Variants in RAP1GAP2 observed in about 807,000 individuals in gnomAD.
RAP1GAP2 encodes the protein RAP1 GTPase activating protein 2.
A neutral mutation model predicts 95.0 loss-of-function variants in RAP1GAP2; 27 were observed. That is an observed-to-expected ratio of 0.28 (90% CI 0.21 to 0.39). The LOEUF is 0.39. Ranked by LOEUF, RAP1GAP2 falls within the 10% of genes least tolerant of loss-of-function variation. RAP1GAP2 has a pLI of 1.00. For missense variants in RAP1GAP2, 771 were observed against 970.0 expected (o/e 0.79, Z 2.72); for synonymous variants, 373 against 380.9 (o/e 0.98, Z 0.24).
intron 2 of RAP1GAP2, among the ~76,000 whole-genome samples, chr17:2,849,995 CCTG>C (rs1224490878): frequency 2.1e-5 from 3 of 145,384 alleles, no homozygotes; most frequent in African/African-American, 7.6e-5. Flanking sequence ...CCTAACACTG[CCTG>C]CTTTTTTTTT....
chr17:2,796,575 G>A lies in RAP1GAP2; in HGVS notation c.44+4G>A, dbSNP rs773417323. 2 of 1,560,948 alleles carry A rather than the reference G, an allele frequency of 1.3e-6. No individual in the cohort carries two copies. The highest frequency in any genetic ancestry group is 2.4e-5 in the East Asian group (1 of 41,798). On this transcript the variant is annotated splice_donor_region_variant and intron_variant, in intron 1 of 24. Coordinates refer to ENST00000254695, the MANE Select transcript of RAP1GAP2 (RefSeq NM_015085.5). This position sits in a 1 kb window ranked among gnomAD's most constrained non-coding sequence, Gnocchi z 4.7. ...TCTCCTTTGGGGGCTTCGGATGGTG[G>A]GTGACAGGTGGGAGGGTGGGGGAAT...
chr17:3,024,285 G>C (rs957163200), intron 19 of RAP1GAP2, among the ~76,000 whole-genome samples: 2 of 152,108 alleles, frequency 1.3e-5, no homozygotes, highest in Non-Finnish European at 2.9e-5. Context: ...CCAGCAAAGT[G>C]AGCCAAACCC....
chr17:2,860,236 G>A lies in RAP1GAP2; in HGVS notation c.81-45048G>A, dbSNP rs532656638. Among the ~76,000 whole-genome samples the A allele has an allele frequency of 3.9e-4, 60 of 152,296 alleles. 3 individuals carry two copies. The South Asian group carries it at 0.012, about 30-fold the overall frequency. ...TGTTCTCTCCTTAGGAGGCAGCTGG[G>A]TCCTGCCCTTTCTGGAAGGGCCTGT... On this transcript the variant is annotated intron_variant, in intron 2 of 24. Transcript: ENST00000254695.
At position 2,980,320 on chromosome 17, in the gene RAP1GAP2, C is replaced by T. The variant is rs144720169; in HGVS notation, c.630C>T (p.Pro210=). 494 of 1,613,910 alleles carry T rather than the reference C, an allele frequency of 3.1e-4. 1 individual carries two copies. In the African/African-American group the frequency reaches 5.9e-3, roughly 19 times the overall value. ...TGAAGACGGTACATGAGCGGATCCCCTTGGCTGGACTGAGCAAGCTTCCCA... is the reference window on the plus strand; with the variant it reads ...TGAAGACGGTACATGAGCGGATCCCTTTGGCTGGACTGAGCAAGCTTCCCA... ...SKLKTVHERI[P]LAGLSKLPSV... Residue 210 remains proline (P), a synonymous_variant, in exon 9 of 25, where the codon CCC becomes CCT. Transcript: ENST00000254695.
chr17:2,905,187 T>TTG, intron 2 of RAP1GAP2, 97 bp from the exon 3 acceptor site: 1 of 1,137,354 alleles, frequency 8.8e-7, no homozygotes, highest in South Asian at 1.4e-5. Flanking sequence ...CCAGCCTGCA[T>TTG]TGTATGTTAA....
chr17:2,998,670 G>A (rs147830148), intron 14 of RAP1GAP2, among the ~76,000 whole-genome samples: 3 of 150,658 alleles, frequency 2.0e-5, no homozygotes, highest in Non-Finnish European at 4.4e-5. Flanking sequence ...GGAATTTGGT[G>A]ATGCCATTTG....
At chr17:2,894,487 C>T (rs749673086) in intron 2 of RAP1GAP2, among the ~76,000 whole-genome samples, 33 of 152,124 alleles carry the variant, frequency 2.2e-4, no homozygotes, top group Non-Finnish European at 1.9e-4. Flanking sequence ...CCCTGAGGGC[C>T]TCCACCCCTC....
intron 2 of RAP1GAP2, among the ~76,000 whole-genome samples, chr17:2,802,214 C>G (rs1271715337): frequency 2.0e-5 from 3 of 152,188 alleles, no homozygotes; most frequent in African/African-American, 7.2e-5. Flanking sequence ...ATTCAGTTGC[C>G]AGCCCTGGTT....
At chr17:2,761,640 G>C (rs2071250731) in intron 1 of RAP1GAP2, among the ~76,000 whole-genome samples, 1 of 152,134 alleles carries the variant, frequency 6.6e-6, no homozygotes, top group African/African-American at 2.4e-5. Context: ...TTGTCCCTTT[G>C]TATCCTTGGG....
chr17:3,005,736 G>A lies in RAP1GAP2; in HGVS notation c.1273-219G>A, dbSNP rs2289647. Among the ~76,000 whole-genome samples the A allele has an allele frequency of 2.6e-5, 4 of 152,120 alleles. No individual in the cohort carries two copies. Among genetic ancestry groups the A allele is most frequent in the African/African-American group, 7.2e-5 (3 of 41,430 alleles). The stretch of plus-strand genomic sequence containing the variant: ...CCTTGGGCAGGAATGAGCTCCAGTC[G>A]TGGAAGTGCCACTGTGGCTTCCCAG... On this transcript the variant is annotated intron_variant, in intron 15 of 24. Coordinates refer to ENST00000254695, the MANE Select transcript of RAP1GAP2 (RefSeq NM_015085.5). This position sits in a 1 kb window ranked among gnomAD's most constrained non-coding sequence, Gnocchi z 5.2.
intron 3 of RAP1GAP2, among the ~76,000 whole-genome samples, chr17:2,944,182 A>AAC (rs1555573672): frequency 1.1e-4 from 16 of 148,082 alleles, no homozygotes; most frequent in South Asian, 4.3e-4. Flanking sequence ...AAAAAAAAAA[A>AAC]ACCAAACCAC....
rs1317039921 is a variant in RAP1GAP2 at position 2,906,681 on chromosome 17, G to C, written c.165+1313G>C. On this transcript the variant is annotated intron_variant, in intron 3 of 24. Transcript: ENST00000254695. This position sits in a 1 kb window ranked among gnomAD's most constrained non-coding sequence, Gnocchi z 4.3. ...CTGTCACCATTCCGAGTGTCCCCTT[G>C]GTCTACAAAGGTGGCTGTGGGATGC... 6.6e-6 allele frequency among the ~76,000 whole-genome samples: 1 copy of C among 152,064 alleles called. No individual in the cohort carries two copies. The highest frequency in any genetic ancestry group is 1.9e-4 in the East Asian group (1 of 5,158).
At chr17:2,936,677 T>A (rs1865301223) in intron 3 of RAP1GAP2, among the ~76,000 whole-genome samples, 1 of 151,952 alleles carries the variant, frequency 6.6e-6, no homozygotes, top group South Asian at 2.1e-4. Context: ...TGATATTGAG[T>A]CTTGCTCTTC....
chr17:2,928,865 C>T (rs757001729), intron 3 of RAP1GAP2, among the ~76,000 whole-genome samples: 5 of 152,060 alleles, frequency 3.3e-5, no homozygotes, highest in African/African-American at 7.2e-5. Context: ...TGCAGACTAT[C>T]ATCCTGATCG....
chr17:2,786,209 T>C lies in RAP1GAP2; in HGVS notation c.-14+8931T>C, dbSNP rs367896958. ...AGCCACCGCGCCCAGCCTGGAGTTATTCTTTACAGATGAAAAACCTGAGGC... is the reference window on the plus strand; with the variant it reads ...AGCCACCGCGCCCAGCCTGGAGTTACTCTTTACAGATGAAAAACCTGAGGC... On this transcript the variant is annotated intron_variant, in intron 1 of 24. Coordinates refer to the RAP1GAP2 transcript ENST00000540393. 1.1e-4 allele frequency among the ~76,000 whole-genome samples: 17 copies of C among 152,334 alleles called. No homozygotes were observed. The East Asian group carries it at 1.9e-3, about 17-fold the overall frequency.
chr17:2,780,627 G>A (rs1416558357), intron 1 of RAP1GAP2, among the ~76,000 whole-genome samples: 1 of 152,198 alleles, frequency 6.6e-6, no homozygotes, highest in Non-Finnish European at 1.5e-5. Context: ...GCCAGCTCAG[G>A]CTGGCCTTAC....
At chr17:3,026,560 C>A in intron 21 of RAP1GAP2, 96 bp downstream of exon 21, 1 of 1,045,540 alleles carries the variant, frequency 9.6e-7, no homozygotes, top group Non-Finnish European at 1.4e-6. Flanking sequence ...AAGCCCATGT[C>A]AGTCTTTGCA....
At position 2,903,429 on chromosome 17, in the gene RAP1GAP2, T is replaced by C. The variant is rs1156446158; in HGVS notation, c.81-1855T>C. On this transcript the variant is annotated intron_variant, in intron 2 of 24. Coordinates refer to ENST00000254695, the MANE Select transcript of RAP1GAP2 (RefSeq NM_015085.5). This position sits in a 1 kb window ranked among gnomAD's most constrained non-coding sequence, Gnocchi z 4.1. ...CCTACGGTGGTAATGTCCAAGGCCG[T>C]ACATAGAAGGAGGCTGGCAGCTCTA... Among the ~76,000 whole-genome samples the C allele has an allele frequency of 1.3e-5, 2 of 152,098 alleles. No homozygotes were observed. The highest frequency in any genetic ancestry group is 2.9e-5 in the Non-Finnish European group (2 of 68,016).
chr17:2,966,834 G>A (rs1005239075), intron 8 of RAP1GAP2, among the ~76,000 whole-genome samples: 5 of 152,122 alleles, frequency 3.3e-5, no homozygotes, highest in Admixed American at 1.3e-4. Flanking sequence ...AAATCAGACC[G>A]AGACTGGGTA....
Sources: allele counts gnomAD v4.1 joint callset (sites outside exome capture counted in the v4.1 genomes callset), GRCh38; gene constraint gnomAD v4.1.1; non-coding constraint Gnocchi (gnomAD v3.1); transcripts MANE v1.5; gene names NCBI Gene and HGNC (gene_info 2026-07-23, HGNC 2026-07-21).